The following BMPR1A variants were observed in gnomAD, a reference collection of about 807,000 sequenced individuals.
BMPR1A encodes the protein bone morphogenetic protein receptor type-1A.
BMPR1A carries 7 observed loss-of-function variants against 66.0 expected under a neutral mutation model. The ratio of observed to expected loss-of-function variants is 0.11; its 90% confidence interval spans 0.06 to 0.20. The LOEUF (loss-of-function observed/expected upper bound fraction) is 0.20, where lower values mean the gene tolerates loss of function less well. Among genes scored for constraint, BMPR1A ranks in the 10% least tolerant of loss-of-function variants. The pLI, the probability that BMPR1A is intolerant of heterozygous loss-of-function variation, is 1.00. For missense variants in BMPR1A, 408 were observed against 669.1 expected (o/e 0.61, Z 4.31); for synonymous variants, 200 against 229.7 (o/e 0.87, Z 1.17).
At chr10:86,900,825 A>G (rs1192641237) in intron 7 of BMPR1A, among the ~76,000 whole-genome samples, 1 of 152,146 alleles carries the variant, frequency 6.6e-6, no homozygotes, top group Non-Finnish European at 1.5e-5. Flanking sequence ...CGAAAGTCAT[A>G]TGATTATTCA....
chr10:86,927,810 C>T lies in BMPR1A; in HGVS notation c.*4091C>T, dbSNP rs1843764416. 5.0e-6 allele frequency: 1 copy of T among 198,450 alleles called. No homozygotes were observed. The highest frequency in any genetic ancestry group is 6.1e-5 in the Admixed American group (1 of 16,506). 12.3% of individuals were successfully genotyped at this position (198,450 alleles called of 1,614,324 possible). ...AGTTTTATCAGGCAGTTGTAAAACACCAAAAATATAGATTCGTCTTTGACG... is the reference window on the plus strand; with the variant it reads ...AGTTTTATCAGGCAGTTGTAAAACATCAAAAATATAGATTCGTCTTTGACG... On this transcript the variant is annotated 3_prime_UTR_variant, in exon 13 of 13. Coordinates refer to ENST00000372037, the MANE Select transcript of BMPR1A (RefSeq NM_004329.3).
chr10:86,825,736 C>G (rs1035260395), intron 1 of BMPR1A, among the ~76,000 whole-genome samples: 5 of 152,114 alleles, frequency 3.3e-5, no homozygotes, highest in Non-Finnish European at 7.4e-5. Flanking sequence ...TTCAGTCACC[C>G]AAAGTACTGG....
At chr10:86,808,277 ACTAG>A (rs1466080602) in intron 1 of BMPR1A, among the ~76,000 whole-genome samples, 2 of 152,052 alleles carry the variant, frequency 1.3e-5, no homozygotes, top group African/African-American at 2.4e-5. Flanking sequence ...CATTTCTGAT[ACTAG>A]CTATTTGTGT....
At chr10:86,858,192 G>T (rs1160522656) in intron 2 of BMPR1A, among the ~76,000 whole-genome samples, 1 of 152,164 alleles carries the variant, frequency 6.6e-6, no homozygotes, top group Non-Finnish European at 1.5e-5. Flanking sequence ...AGCACTTGAT[G>T]AAATTTAACT....
chr10:86,821,718 T>C (rs1030974668), intron 1 of BMPR1A, among the ~76,000 whole-genome samples: 2 of 152,154 alleles, frequency 1.3e-5, no homozygotes, highest in African/African-American at 4.8e-5. Flanking sequence ...TGCCAAAACG[T>C]TGACTTGATG....
chr10:86,804,447 G>T (rs1328899552), intron 1 of BMPR1A, among the ~76,000 whole-genome samples: 1 of 151,990 alleles, frequency 6.6e-6, no homozygotes, highest in Admixed American at 6.6e-5. Flanking sequence ...GCCATCTCCT[G>T]ATCTCAAACT....
At chr10:86,776,676 A>G (rs147811838) in intron 1 of BMPR1A, among the ~76,000 whole-genome samples, 3 of 152,290 alleles carry the variant, frequency 2.0e-5, no homozygotes, top group African/African-American at 7.2e-5. Flanking sequence ...AGAAAACATG[A>G]TATTCAATCT....
intron 9 of BMPR1A, among the ~76,000 whole-genome samples, chr10:86,918,955 T>A (rs1444023935): frequency 6.6e-6 from 1 of 152,142 alleles, no homozygotes; most frequent in African/African-American, 2.4e-5. Context: ...CTTTCATGAT[T>A]ATTAAGATTA....
chr10:86,760,841 T>C (rs1043430918), intron 1 of BMPR1A, among the ~76,000 whole-genome samples: 14 of 152,340 alleles, frequency 9.2e-5, no homozygotes, highest in African/African-American at 2.9e-4. Flanking sequence ...AAGGTCCATA[T>C]TGACCAAGTT....
intron 7 of BMPR1A, among the ~76,000 whole-genome samples, chr10:86,902,382 C>G (rs1400283523): frequency 7.1e-6 from 1 of 141,808 alleles, no homozygotes; most frequent in Non-Finnish European, 1.5e-5. Context: ...GTTTTTTTTT[C>G]ATGCTGCGTT....
At chr10:86,897,663 G>A (rs1843244033) in intron 5 of BMPR1A, among the ~76,000 whole-genome samples, 1 of 152,144 alleles carries the variant, frequency 6.6e-6, no homozygotes, top group African/African-American at 2.4e-5. Context: ...CTGGAGTGCA[G>A]TGGTGCAATC....
chr10:86,924,622 T>C lies in BMPR1A; in HGVS notation c.*903T>C, dbSNP rs550122995. On this transcript the variant is annotated 3_prime_UTR_variant, in exon 13 of 13. Transcript: ENST00000372037. ...AGAAAGCACTTCTTATTGAAGTGAATTCCTGCATTTGATAGCAATGTAAGT... is the reference window on the plus strand; with the variant it reads ...AGAAAGCACTTCTTATTGAAGTGAACTCCTGCATTTGATAGCAATGTAAGT... 4.3e-6 allele frequency: 1 copy of C among 233,366 alleles called. No individual in the cohort carries two copies. The highest frequency in any genetic ancestry group is 2.2e-5 in the African/African-American group (1 of 45,504). The allele number at this position is 233,366 out of a possible 1,614,324, so 14.5% of individuals were successfully genotyped here. A position where few individuals can be genotyped will look rare whatever the true frequency, so the allele number is the denominator to read the frequency against.
Position 86,923,891 on chromosome 10 carries a change from T to C in BMPR1A, c.*172T>C. The C allele has an allele frequency of 4.1e-6, 3 of 726,192 alleles. No individual in the cohort carries two copies. The South Asian group carries it at 5.5e-5, about 13-fold the overall frequency. The allele number at this position is 726,192 out of a possible 1,614,324, so 45.0% of individuals were successfully genotyped here. A position where few individuals can be genotyped will look rare whatever the true frequency, so the allele number is the denominator to read the frequency against. ...TCAGTACTCTTATTAGGATACAAGC[T>C]GGGAACTTCTAAACACTTCATTCTT... is the stretch of plus-strand genomic sequence containing the variant. On this transcript the variant is annotated 3_prime_UTR_variant, in exon 13 of 13. Coordinates refer to ENST00000372037, the MANE Select transcript of BMPR1A (RefSeq NM_004329.3).
chr10:86,834,867 T>C (rs749529943), intron 1 of BMPR1A, among the ~76,000 whole-genome samples: 3 of 152,050 alleles, frequency 2.0e-5, no homozygotes, highest in Admixed American at 2.0e-4. Context: ...GTAATTTGGC[T>C]CTTTTTTTTT....
intron 3 of BMPR1A, among the ~76,000 whole-genome samples, chr10:86,882,950 C>T (rs561828384): frequency 6.6e-6 from 1 of 151,612 alleles, no homozygotes; most frequent in East Asian, 1.9e-4. Context: ...GCAACAGGAG[C>T]GAAAACGCCA....
At chr10:86,794,928 C>T (rs1266990972) in intron 1 of BMPR1A, among the ~76,000 whole-genome samples, 3 of 151,464 alleles carry the variant, frequency 2.0e-5, no homozygotes, top group East Asian at 1.9e-4. Context: ...CTTGACTCAC[C>T]GCACACTCCA....
intron 1 of BMPR1A, among the ~76,000 whole-genome samples, chr10:86,790,235 A>ATATATATATATATATC (rs1841595462): frequency 1.1e-5 from 1 of 87,766 alleles, no homozygotes; most frequent in African/African-American, 3.8e-5. Context: ...ATATATATAT[A>ATATATATATATATATC]TCAAAACCAC....
chr10:86,870,986 T>C (rs969965195), intron 2 of BMPR1A, among the ~76,000 whole-genome samples: 2 of 152,204 alleles, frequency 1.3e-5, no homozygotes, highest in Non-Finnish European at 1.5e-5. Flanking sequence ...ATCTGGTCTT[T>C]GTCTTCTCTG....
intron 11 of BMPR1A, among the ~76,000 whole-genome samples, chr10:86,922,857 G>A (rs1843687250): frequency 6.6e-6 from 1 of 152,334 alleles, no homozygotes. Context: ...TACCCTCACC[G>A]TTTCCGGTAA....
Sources: gnomAD v4.1 joint callset for allele counts (sites outside exome capture counted in the v4.1 genomes callset) on GRCh38, gnomAD v4.1.1 for gene constraint, MANE v1.5 for transcripts, NCBI Gene and HGNC (gene_info 2026-07-23, HGNC 2026-07-21) for gene names.